The following ANKRD13C variants were observed in gnomAD, a reference collection of about 807,000 sequenced individuals.
ANKRD13C encodes the protein ankyrin repeat domain-containing protein 13C.
A neutral mutation model predicts 65.5 loss-of-function variants in ANKRD13C; 16 were observed. That is an observed-to-expected ratio of 0.24 (90% confidence interval 0.17 to 0.37). The LOEUF (loss-of-function observed/expected upper bound fraction) is 0.37. Among genes scored for constraint, ANKRD13C ranks in the 10% least tolerant of loss-of-function variants. The pLI is 1.00. For missense variants in ANKRD13C, 503 were observed against 655.9 expected (o/e 0.77, Z 2.55); for synonymous variants, 235 against 238.7 (o/e 0.98, Z 0.14).
intron 2 of ANKRD13C, among the ~76,000 whole-genome samples, chr1:70,327,840 G>A (rs1232325819): frequency 8.6e-5 from 13 of 151,886 alleles, no homozygotes; most frequent in African/African-American, 4.8e-5. Context: ...CAAGGGGGGC[G>A]GATCATCTGA....
chr1:70,292,260 C>T, intron 9 of ANKRD13C, 128 bp downstream of exon 9: 1 of 648,232 alleles, frequency 1.5e-6, no homozygotes, highest in Non-Finnish European at 2.3e-6. Flanking sequence ...TGAAGATTCA[C>T]AGAAAAAGGT....
chr1:70,281,710 T>G (rs1572045625), intron 9 of ANKRD13C, among the ~76,000 whole-genome samples: 1 of 151,648 alleles, frequency 6.6e-6, no homozygotes, highest in Non-Finnish European at 1.5e-5. Flanking sequence ...CGGGTTAAAT[T>G]CTAACCAATG....
At chr1:70,348,954 T>C (rs1322444758) in intron 1 of ANKRD13C, among the ~76,000 whole-genome samples, 1 of 152,196 alleles carries the variant, frequency 6.6e-6, no homozygotes, top group Non-Finnish European at 1.5e-5. Context: ...GAGCAATTCA[T>C]ATGTTCAGGA....
intron 9 of ANKRD13C, among the ~76,000 whole-genome samples, chr1:70,289,611 C>T (rs571509829): frequency 5.3e-5 from 8 of 151,570 alleles, no homozygotes; most frequent in East Asian, 3.9e-4. Flanking sequence ...GGACTACAGG[C>T]GCCCGCCACC....
rs140366909 is a variant in ANKRD13C at position 70,288,400 on chromosome 1, G to C, written c.1215+3988C>G. ...TGCACTCTTGGGCATTTATCCCAGA[G>C]AAATGAAGACTTATATTACATTCAT... On this transcript the variant is annotated intron_variant, in intron 9 of 12. Coordinates refer to ENST00000370944, the MANE Select transcript of ANKRD13C (RefSeq NM_030816.5). Among the ~76,000 whole-genome samples the C allele has an allele frequency of 3.9e-5, 6 of 152,298 alleles. No individual in the cohort carries two copies. In the East Asian group the frequency reaches 1.2e-3, roughly 29 times the overall value.
At chr1:70,303,333 A>G (rs1378669339) in intron 6 of ANKRD13C, among the ~76,000 whole-genome samples, 1 of 152,164 alleles carries the variant, frequency 6.6e-6, no homozygotes. Context: ...AATTTTTCCC[A>G]TGTAATTAGC....
rs116741205 is a variant in ANKRD13C at position 70,280,908 on chromosome 1, G to A, written c.1216-4064C>T. ...AGGGCATGTTGTTTAAAAATGGAAG[G>A]ACAGAAAATAGACTAAATAGACTCA... On this transcript the variant is annotated intron_variant, in intron 9 of 12. Coordinates refer to ENST00000370944, the MANE Select transcript of ANKRD13C (RefSeq NM_030816.5). Among the ~76,000 whole-genome samples, 559 of 152,080 alleles carry A rather than the reference G, an allele frequency of 3.7e-3. 3 individuals are homozygous for A. The highest frequency in any genetic ancestry group is 0.012 in the African/African-American group (512 of 41,474).
At chr1:70,295,572 A>G (rs1487270499) in intron 8 of ANKRD13C, among the ~76,000 whole-genome samples, 1 of 152,186 alleles carries the variant, frequency 6.6e-6, no homozygotes, top group Non-Finnish European at 1.5e-5. Context: ...ATATATTTGA[A>G]TAGTCTTATA....
intron 9 of ANKRD13C, among the ~76,000 whole-genome samples, chr1:70,286,751 C>A (rs193266621): frequency 6.6e-6 from 1 of 152,084 alleles, no homozygotes; most frequent in Admixed American, 6.5e-5. Context: ...TTTAGGAGGT[C>A]GAGGCAGGCA....
At chr1:70,351,517 A>G (rs1682743320) in intron 1 of ANKRD13C, among the ~76,000 whole-genome samples, 2 of 152,108 alleles carry the variant, frequency 1.3e-5, no homozygotes, top group South Asian at 4.1e-4. Context: ...CTCCTGCCTC[A>G]GCTTCCCAAA....
chr1:70,321,164 T>C (rs115410124), intron 3 of ANKRD13C, among the ~76,000 whole-genome samples: 214 of 152,280 alleles, frequency 1.4e-3, no homozygotes, highest in African/African-American at 5.0e-3. Flanking sequence ...GTACCAGAGA[T>C]AAAGGGGTGA....
At chr1:70,295,558 G>A (rs1003897228) in intron 8 of ANKRD13C, among the ~76,000 whole-genome samples, 6 of 152,030 alleles carry the variant, frequency 3.9e-5, no homozygotes, top group South Asian at 4.1e-4. Context: ...AAAATTTTCC[G>A]AATATATATT....
In ANKRD13C at chr1:70,259,664, A is replaced by C. The variant is rs1310934226; in HGVS notation, c.*3053T>G. ...TACAAACAATCATGGGCTTTTACCA[A>C]GCTTAGTTCTGCTATCTATCTTTAC... On this transcript the variant is annotated 3_prime_UTR_variant, in exon 13 of 13. Coordinates refer to ENST00000370944, the MANE Select transcript of ANKRD13C (RefSeq NM_030816.5). Among the ~76,000 whole-genome samples, 2 of 152,220 alleles carry C rather than the reference A, an allele frequency of 1.3e-5. No homozygotes were observed. The highest frequency in any genetic ancestry group is 4.8e-5 in the African/African-American group (2 of 41,466).
chr1:70,308,966 C>A lies in ANKRD13C; in HGVS notation c.710-2676G>T, dbSNP rs1409116523. 2.0e-5 allele frequency among the ~76,000 whole-genome samples: 3 copies of A among 151,930 alleles called. No individual in the cohort carries two copies. The East Asian group carries it at 5.8e-4, about 29-fold the overall frequency. ...ACAGTATTCCAACAGTAGCATAATT[C>A]ACTAAACAGAAAATAAAAAGAGAGT... On this transcript the variant is annotated intron_variant, in intron 5 of 12. Coordinates refer to ENST00000370944, the MANE Select transcript of ANKRD13C (RefSeq NM_030816.5).
chr1:70,259,299 G>A lies in ANKRD13C; in HGVS notation c.*3418C>T, dbSNP rs948070799. Among the ~76,000 whole-genome samples, 45 of 152,030 alleles carry A rather than the reference G, an allele frequency of 3.0e-4. No individual in the cohort carries two copies. Among genetic ancestry groups the A allele is most frequent in the African/African-American group, 8.7e-4 (36 of 41,386 alleles). On this transcript the variant is annotated 3_prime_UTR_variant, in exon 13 of 13. Transcript: ENST00000370944. ...TACTCTAATTAAAGTCATTTTCACC[G>A]CAAAACATGATGAAAACCAAGAATG...
chr1:70,270,725 C>T, intron 12 of ANKRD13C, 131 bp downstream of exon 12: 4 of 614,798 alleles, frequency 6.5e-6, no homozygotes, highest in Non-Finnish European at 1.2e-5. Context: ...CTGTGCACCC[C>T]ACTCCTAAAA....
chr1:70,269,069 T>C (rs892319102), intron 12 of ANKRD13C, among the ~76,000 whole-genome samples: 1 of 142,122 alleles, frequency 7.0e-6, no homozygotes, highest in African/African-American at 2.6e-5. Context: ...TTTTATAATT[T>C]ATCCCAGTTG....
At chr1:70,292,842 C>T (rs980616851) in intron 8 of ANKRD13C, among the ~76,000 whole-genome samples, 1 of 152,174 alleles carries the variant, frequency 6.6e-6, no homozygotes, top group Non-Finnish European at 1.5e-5. Context: ...TGCCACATAG[C>T]ATTTCTTCAG....
intron 9 of ANKRD13C, among the ~76,000 whole-genome samples, chr1:70,285,631 T>A (rs961953790): frequency 8.2e-6 from 1 of 122,556 alleles, no homozygotes; most frequent in Admixed American, 7.6e-5. Flanking sequence ...AGTTAAACAC[T>A]TTTTTTTTTT....
Sources: gnomAD v4.1 joint callset for allele counts (sites outside exome capture counted in the v4.1 genomes callset) on GRCh38, gnomAD v4.1.1 for gene constraint, MANE v1.5 for transcripts, NCBI Gene and HGNC (gene_info 2026-07-23, HGNC 2026-07-21) for gene names.